ANAPC2: variants seen among roughly 807,000 people sequenced by gnomAD.
ANAPC2 encodes anaphase-promoting complex subunit 2.
Under a neutral mutation model 84.3 loss-of-function variants are expected in ANAPC2, and 29 were observed. The ratio of observed to expected loss-of-function variants is 0.34; its 90% CI spans 0.26 to 0.47. The LOEUF is 0.47. Ranked by LOEUF, ANAPC2 falls within the 20% of genes least tolerant of loss-of-function variation. The pLI, the probability that ANAPC2 is intolerant of heterozygous loss-of-function variation, is 1.00. For synonymous variants in ANAPC2, 571 were observed against 479.4 expected, an observed-to-expected ratio of 1.19 and a Z score of -2.50; for missense variants, 857 against 1,131.7, an observed-to-expected ratio of 0.76 and a Z score of 3.48.
intron 2 of ANAPC2, 123 bp from the exon 3 acceptor site, chr9:137,186,479 C>T (rs542457959): frequency 1.9e-4 from 245 of 1,290,002 alleles, no homozygotes; most frequent in African/African-American, 1.1e-3. Flanking sequence ...CACACACACC[C>T]AGCACACACC....
chr9:137,180,795 G>A lies in ANAPC2; in HGVS notation c.1603C>T (p.Pro535Ser). Residue 535 changes from proline to serine, a missense_variant, in exon 8 of 13, where the codon CCC (proline) becomes TCC (serine). Around this residue, in one of 3 missense-constraint regions of ANAPC2, gnomAD observed 425 missense variants for 595.5 expected, o/e 0.71. Transcript: ENST00000323927. Reference protein sequence around the residue: ...DRLLHQFSFSPEREIRNVELL... With the variant: ...DRLLHQFSFSSEREIRNVELL... Reference sequence around the variant, plus strand: ...GCGCGTCACAGGCCTCACCGCTCGGGGCTGAAGCTGAACTGGTGCAGCAGG... The same window carrying A: ...GCGCGTCACAGGCCTCACCGCTCGGAGCTGAAGCTGAACTGGTGCAGCAGG... 1.2e-6 allele frequency: 2 copies of A among 1,611,434 alleles called. No individual in the cohort carries two copies. Among genetic ancestry groups the A allele is most frequent in the Non-Finnish European group, 1.7e-6 (2 of 1,179,792 alleles).
Position 137,188,482 on chromosome 9 carries a change from T to A in ANAPC2, c.51A>T (p.Gly17=). 1 of 1,610,290 alleles carries A rather than the reference T, an allele frequency of 6.2e-7. No individual in the cohort carries two copies. The highest frequency in any genetic ancestry group is 1.1e-5 in the South Asian group (1 of 91,016). Residue 17 remains glycine (G), a synonymous_variant, in exon 1 of 13, where the codon GGA becomes GGT. Transcript: ENST00000323927. ...TGTTCCAGGCCACTAACAACTCCTG[T>A]CCGGGCCGGGAGTCGCTGTCCCCCT... ...VAEGDSDSRP[G]QELLVAWNTV...
In ANAPC2 at chr9:137,175,303, A is replaced by G. The variant is rs751800214; in HGVS notation, c.2190T>C (p.Ile730=). ...RPQDRDNMVL[I]DSDDESDSGM... ...CGGAGTCGCTCTCGTCGTCACTGTC[A>G]ATGAGCACCATGTTGTCCCGGTCCT... is the stretch of plus-strand genomic sequence containing the variant. Residue 730 remains isoleucine (I), a synonymous_variant, in exon 12 of 13, where the codon ATT becomes ATC. Transcript: ENST00000323927. 10 of 1,612,540 alleles carry G rather than the reference A, an allele frequency of 6.2e-6. No homozygotes were observed. The East Asian group carries it at 1.8e-4, about 29-fold the overall frequency.
At chr9:137,176,254 A>G (rs1168703211) in intron 10 of ANAPC2, 1 of 163,496 alleles carries the variant, frequency 6.1e-6, no homozygotes, top group African/African-American at 2.5e-5. Context: ...ACGCGGCCAC[A>G]AGCCAAGAAA....
chr9:137,181,620 C>T lies in ANAPC2; in HGVS notation c.1468+61G>A, dbSNP rs376778830. ...TCTGTGACAAGGGATGAGTCCAGAG[C>T]GGACGGCCTGGCTGAAGCGCCCCCC... On this transcript the variant is annotated intron_variant, in intron 7 of 12. Transcript: ENST00000323927. 18 of 1,485,604 alleles carry T rather than the reference C, an allele frequency of 1.2e-5. No homozygotes were observed. In the East Asian group the frequency reaches 1.7e-4, roughly 14 times the overall value. The allele number at this position is 1,485,604 out of a possible 1,614,324, so 92.0% of individuals were successfully genotyped here.
Position 137,188,534 on chromosome 9 carries a change from T to C in ANAPC2, c.-2A>G, listed in dbSNP as rs780036272. 6 of 1,605,884 alleles carry C rather than the reference T, an allele frequency of 3.7e-6. No individual in the cohort carries two copies. Among genetic ancestry groups the C allele is most frequent in the South Asian group, 1.1e-5 (1 of 90,722 alleles). Reference sequence around the variant, plus strand: ...CGCCACCACAACTGCCGCCGCCATCTGCACCCACCGACTCCGAGATTCGCT... The same window carrying C: ...CGCCACCACAACTGCCGCCGCCATCCGCACCCACCGACTCCGAGATTCGCT... On this transcript the variant is annotated 5_prime_UTR_variant, in exon 1 of 13. Coordinates refer to ENST00000323927, the MANE Select transcript of ANAPC2 (RefSeq NM_013366.4).
Position 137,181,603 on chromosome 9 carries a change from A to G in ANAPC2, c.1468+78T>C, listed in dbSNP as rs1028906022. ...ACCTGACACAGCCAAGCTCTGTGAC[A>G]AGGGATGAGTCCAGAGCGGACGGCC... On this transcript the variant is annotated intron_variant, in intron 7 of 12. Coordinates refer to ENST00000323927, the MANE Select transcript of ANAPC2 (RefSeq NM_013366.4). 1.3e-5 allele frequency: 18 copies of G among 1,394,876 alleles called. No individual in the cohort carries two copies. In the South Asian group the frequency reaches 2.6e-4, roughly 20 times the overall value. 86.4% of individuals were successfully genotyped at this position (1,394,876 alleles called of 1,614,324 possible).
chr9:137,183,045 C>CCGT (rs1834377952), intron 6 of ANAPC2, 80 bp downstream of exon 6: 6 of 1,188,680 alleles, frequency 5.0e-6, no homozygotes, highest in Non-Finnish European at 7.4e-6. Context: ...AACACACCCT[C>CCGT]CGGCTGCCCC....
chr9:137,182,991 G>A (rs1010345405), intron 6 of ANAPC2, 134 bp downstream of exon 6: 12 of 692,054 alleles, frequency 1.7e-5, no homozygotes, highest in Admixed American at 2.6e-5. Context: ...GCCTGATCCC[G>A]TGCACTCAGC....
intron 10 of ANAPC2, among the ~76,000 whole-genome samples, chr9:137,178,250 A>G (rs542635002): frequency 1.1e-4 from 17 of 152,324 alleles, no homozygotes; most frequent in Admixed American, 3.3e-4. Context: ...GGACACATGC[A>G]AGGGCTCAGG....
chr9:137,175,670 G>A (rs1429813398), intron 11 of ANAPC2, 38 bp downstream of exon 11: 1 of 1,592,356 alleles, frequency 6.3e-7, no homozygotes, highest in Admixed American at 1.7e-5. Context: ...GCTGGGCCGT[G>A]TGGCCGGGGC....
At position 137,183,015 on chromosome 9, in the gene ANAPC2, AC is replaced by A. The variant is rs1421270667; in HGVS notation, c.1286+109del. 3.6e-6 allele frequency: 3 copies of A among 836,016 alleles called. No individual in the cohort carries two copies. The African/African-American group carries it at 5.1e-5, about 14-fold the overall frequency. The allele number at this position is 836,016 out of a possible 1,614,324, so 51.8% of individuals were successfully genotyped here. Reference sequence around the variant, plus strand: ...CGTGCACTCAGCCCAGCCGGGGGAGACCTTGTGTCCTGACGGCCGAACACAC... The same window carrying A: ...CGTGCACTCAGCCCAGCCGGGGGAGACTTGTGTCCTGACGGCCGAACACAC... On this transcript the variant is annotated intron_variant, in intron 6 of 12. Transcript: ENST00000323927.
rs1255718531 is a variant in ANAPC2 at position 137,181,844 on chromosome 9, C to T, written c.1305G>A (p.Val435=). 2.5e-6 allele frequency: 4 copies of T among 1,606,926 alleles called. No individual in the cohort carries two copies. The highest frequency in any genetic ancestry group is 2.7e-5 in the African/African-American group (2 of 74,908). The stretch of plus-strand genomic sequence containing the variant: ...CCGTCAGCCCAGCCACAATCTGCCG[C>T]ACTGTGTCCTCCCGCGTCCTGCCGA... The part of the protein sequence containing the change: ...RRYLRTREDT[V]RQIVAGLTGD... Residue 435 remains valine, a synonymous_variant, in exon 7 of 13, where the codon GTG becomes GTA. Coordinates refer to ENST00000323927, the MANE Select transcript of ANAPC2 (RefSeq NM_013366.4).
chr9:137,186,070 G>A (rs1339560592), intron 3 of ANAPC2, among the ~76,000 whole-genome samples, 154 bp downstream of exon 3: 2 of 152,156 alleles, frequency 1.3e-5, no homozygotes, highest in Non-Finnish European at 2.9e-5. Context: ...AGAAGTACTG[G>A]TCTCTACCCC....
chr9:137,182,294 C>T (rs954348915), intron 6 of ANAPC2, among the ~76,000 whole-genome samples: 1 of 152,168 alleles, frequency 6.6e-6, no homozygotes, highest in Non-Finnish European at 1.5e-5. Flanking sequence ...AGGCGGATCA[C>T]GAGGTCAGGA....
chr9:137,186,508 G>T, intron 2 of ANAPC2, 152 bp from the exon 3 acceptor site: 1 of 1,156,556 alleles, frequency 8.6e-7, no homozygotes, highest in Non-Finnish European at 1.2e-6. Context: ...ATCCTCAGCT[G>T]TGGGGGGCGG....
intron 4 of ANAPC2, 112 bp from the exon 5 acceptor site, chr9:137,183,903 G>A (rs970159657): frequency 2.6e-5 from 38 of 1,439,392 alleles, no homozygotes; most frequent in Non-Finnish European, 3.5e-5. Flanking sequence ...GCCCCAGGAC[G>A]ATGATGAGAC....
In ANAPC2 at chr9:137,175,542, C is replaced by T. The variant is rs533596147; in HGVS notation, c.2021-70G>A. ...TGCACCTCCCCTGCCTCCCGTCAGCCGAGAGGTCGGGGGGCTCCCGGGCCA... is the reference window on the plus strand; with the variant it reads ...TGCACCTCCCCTGCCTCCCGTCAGCTGAGAGGTCGGGGGGCTCCCGGGCCA... On this transcript the variant is annotated intron_variant, in intron 11 of 12. Coordinates refer to ENST00000323927, the MANE Select transcript of ANAPC2 (RefSeq NM_013366.4). 2.2e-4 allele frequency: 329 copies of T among 1,489,050 alleles called. 1 individual carries two copies. In the Admixed American group the frequency reaches 4.4e-3, roughly 20 times the overall value. 92.2% of individuals were successfully genotyped at this position (1,489,050 alleles called of 1,614,324 possible).
In ANAPC2 at chr9:137,188,166, G is replaced by C. The variant is rs566233067; in HGVS notation, c.118-63C>G. ...CATAGAGGTGGGGAGAGGCGGGGAA[G>C]GGAAGAAGCTGAGGGGGAGGCTGCA... is the stretch of plus-strand genomic sequence containing the variant. On this transcript the variant is annotated intron_variant, in intron 1 of 12. Transcript: ENST00000323927. 178 of 1,556,040 alleles carry C rather than the reference G, an allele frequency of 1.1e-4. 2 individuals are homozygous for C. In the South Asian group the frequency reaches 2.0e-3, roughly 17 times the overall value.
Sources: gnomAD v4.1 joint callset for allele counts (sites outside exome capture counted in the v4.1 genomes callset) on GRCh38, gnomAD v4.1.1 for gene constraint, gnomAD v4.1.1 regional missense constraint, MANE v1.5 for transcripts, NCBI Gene and HGNC (gene_info 2026-07-23, HGNC 2026-07-21) for gene names.